The following TNFSF10 variants were observed in gnomAD, a reference collection of about 807,000 sequenced individuals.
TNFSF10 encodes TNF superfamily member 10, also known as tumor necrosis factor ligand superfamily member 10.
TNFSF10 carries 13 observed loss-of-function variants against 29.5 expected under a neutral mutation model. That is an observed-to-expected ratio of 0.44 (90% CI 0.29 to 0.70). The LOEUF is 0.70. Ranked by LOEUF, TNFSF10 falls within the 30% of genes least tolerant of loss-of-function variation. TNFSF10 has a pLI of 0.13. For missense variants in TNFSF10, 345 were observed against 330.9 expected (o/e 1.04, Z -0.33); for synonymous variants, 111 against 112.8 (o/e 0.98, Z 0.10).
rs1713017439 is a variant in TNFSF10, at chr3:172,507,001, C to G, written c.419-82G>C. On this transcript the variant is annotated intron_variant, in intron 4 of 4. Transcript: ENST00000241261. The stretch of plus-strand genomic sequence containing the variant: ...GGAGCTTTTTTGCAGCTGTGGCCAG[C>G]CTATATTTTTGTTGGGCTTGCCAGG... The G allele has an allele frequency of 2.3e-6, 3 of 1,297,588 alleles. No homozygotes were observed. In the Admixed American group the frequency reaches 8.9e-5, roughly 38 times the overall value. The allele number at this position is 1,297,588 out of a possible 1,614,324, so 80.4% of individuals were successfully genotyped here. A position where few individuals can be genotyped will look rare whatever the true frequency, so the allele number is the denominator to read the frequency against.
intron 3 of TNFSF10, among the ~76,000 whole-genome samples, chr3:172,509,650 G>A (rs1713136122): frequency 6.6e-6 from 1 of 152,148 alleles, no homozygotes; most frequent in African/African-American, 2.4e-5. Context: ...TAAAGAAATA[G>A]CTGTAGCTGT....
rs1411258134 is a variant in TNFSF10, at chr3:172,517,513, G to GA, written c.133-2516dup. 1.1e-3 allele frequency: 944 copies of GA among 826,322 alleles called. 1 individual carries two copies. The highest frequency in any genetic ancestry group is 1.3e-3 in the African/African-American group (66 of 52,744). 51.2% of individuals were successfully genotyped at this position (826,322 alleles called of 1,614,324 possible). A position where few individuals can be genotyped will look rare whatever the true frequency, so the allele number is the denominator to read the frequency against. ...AAAAGTAAAGAACACTTTTCTAAAAGAAAAAAAAAACCCTCCAAAAACTAA... is the reference window on the plus strand; with the variant it reads ...AAAAGTAAAGAACACTTTTCTAAAAGAAAAAAAAAAACCCTCCAAAAACTAA... On this transcript the variant is annotated intron_variant, in intron 1 of 4. Coordinates refer to ENST00000241261, the MANE Select transcript of TNFSF10 (RefSeq NM_003810.4).
At chr3:172,514,497 CTTT>C (rs998920160) in intron 2 of TNFSF10, among the ~76,000 whole-genome samples, 2 of 152,156 alleles carry the variant, frequency 1.3e-5, no homozygotes, top group African/African-American at 4.8e-5. Flanking sequence ...ATTTGATCTT[CTTT>C]ATCTTTTGAA....
At chr3:172,522,327 G>C in intron 1 of TNFSF10, 3 of 891,894 alleles carry the variant, frequency 3.4e-6, no homozygotes, top group Admixed American at 1.7e-5. Flanking sequence ...GACTCTAAGA[G>C]CTACATTACA....
intron 4 of TNFSF10, among the ~76,000 whole-genome samples, chr3:172,508,816 G>T (rs1317401385): frequency 3.3e-5 from 5 of 152,018 alleles, no homozygotes; most frequent in Admixed American, 2.0e-4. Context: ...TTGAACACTG[G>T]AGGCGGAGGT....
At chr3:172,522,357 A>G (rs1322498177) in intron 1 of TNFSF10, 4 of 1,200,628 alleles carry the variant, frequency 3.3e-6, no homozygotes, top group Admixed American at 1.7e-5. Flanking sequence ...GACAGGAAGT[A>G]TCACAGTAAC....
At chr3:172,518,585 A>G (rs937368745) in intron 1 of TNFSF10, 7 of 771,806 alleles carry the variant, frequency 9.1e-6, no homozygotes, top group Non-Finnish European at 1.3e-5. Flanking sequence ...ACTTTCTCAG[A>G]GGGACACAGA....
intron 1 of TNFSF10, chr3:172,517,342 G>T (rs1713477596): frequency 1.0e-6 from 1 of 985,392 alleles, no homozygotes; most frequent in African/African-American, 1.7e-5. Context: ...ATACTTTCAG[G>T]AGGAGGTGGA....
chr3:172,522,615 T>C (rs1008091834), intron 1 of TNFSF10, among the ~76,000 whole-genome samples: 1 of 152,234 alleles, frequency 6.6e-6, no homozygotes, highest in African/African-American at 2.4e-5. Context: ...TTCCAAACCT[T>C]GTTATAATAT....
rs1184863239 is a variant in TNFSF10 at position 172,505,570 on chromosome 3, A to AAAAAGATTAG, written c.*912_*921dup. Reference sequence around the variant, plus strand: ...TAATATGTGTCAAAGATATTATGAAAAAAAGATTAGAAGTCTTTTCCCCCA... The same window carrying AAAAAGATTAG: ...TAATATGTGTCAAAGATATTATGAAAAAAAGATTAGAAAAGATTAGAAGTCTTTTCCCCCA... On this transcript the variant is annotated 3_prime_UTR_variant, in exon 5 of 5. Transcript: ENST00000241261. 6.6e-6 allele frequency: 1 copy of AAAAAGATTAG among 152,100 alleles called. No individual in the cohort carries two copies. Among genetic ancestry groups the AAAAAGATTAG allele is most frequent in the Non-Finnish European group, 1.5e-5 (1 of 68,014 alleles). 9.4% of individuals were successfully genotyped at this position (152,100 alleles called of 1,614,324 possible). A position where few individuals can be genotyped will look rare whatever the true frequency, so the allele number is the denominator to read the frequency against.
chr3:172,520,193 GT>G (rs1713624839), intron 1 of TNFSF10, among the ~76,000 whole-genome samples: 2 of 152,330 alleles, frequency 1.3e-5, no homozygotes, highest in East Asian at 3.9e-4. Flanking sequence ...TGCAGTCATA[GT>G]TCCAGGGGTT....
intron 4 of TNFSF10, 58 bp downstream of exon 4, chr3:172,509,159 A>C: frequency 7.0e-7 from 1 of 1,426,542 alleles, no homozygotes; most frequent in Non-Finnish European, 9.7e-7. Flanking sequence ...AAAATAAGTT[A>C]CTTGGCACAA....
intron 1 of TNFSF10, among the ~76,000 whole-genome samples, chr3:172,521,796 A>T (rs1326901137): frequency 6.6e-6 from 1 of 152,224 alleles, no homozygotes; most frequent in Admixed American, 6.5e-5. Flanking sequence ...AACCAACCCA[A>T]ATGCTCATCA....
intron 2 of TNFSF10, 84 bp from the exon 3 acceptor site, chr3:172,511,743 G>T: frequency 8.2e-7 from 1 of 1,213,922 alleles, no homozygotes; most frequent in Non-Finnish European, 1.2e-6. Context: ...TCTTGCTGAT[G>T]TCTAACAGGA....
intron 1 of TNFSF10, chr3:172,518,261 A>G: frequency 3.5e-6 from 4 of 1,156,022 alleles, no homozygotes; most frequent in Non-Finnish European, 4.3e-6. Flanking sequence ...CTTCAGCTCC[A>G]GAAGCCCTTG....
At chr3:172,516,880 G>A (rs944060572) in intron 1 of TNFSF10, among the ~76,000 whole-genome samples, 6 of 152,188 alleles carry the variant, frequency 3.9e-5, no homozygotes, top group African/African-American at 9.7e-5. Context: ...AGGAAGAGAC[G>A]AGAAACTGGG....
intron 1 of TNFSF10, chr3:172,522,292 A>T: frequency 2.7e-6 from 2 of 734,278 alleles, no homozygotes. Context: ...TCTGAACTTC[A>T]TCCTGCTGTG....
intron 1 of TNFSF10, among the ~76,000 whole-genome samples, chr3:172,520,176 G>C (rs1713624025): frequency 4.6e-5 from 7 of 152,150 alleles, no homozygotes; most frequent in Admixed American, 4.6e-4. Flanking sequence ...TTTATTTTCA[G>C]CAATTTTGCA....
chr3:172,523,264 C>A lies in TNFSF10; in HGVS notation c.121G>T (p.Glu41Ter). The A allele has an allele frequency of 6.2e-7, 1 of 1,613,606 alleles. No homozygotes were observed. Among genetic ancestry groups the A allele is most frequent in the Non-Finnish European group, 8.5e-7 (1 of 1,179,648 alleles). The change falls in exon 1 of 5, where the codon GAG (glutamate) becomes TAG (stop). Residue 41 changes from glutamate to a stop codon, truncating the protein, a stop_gained. Transcript: ENST00000241261. LOFTEE classifies it high-confidence loss of function. ...VAVTYVYFTN[E>*]LKQMQDKYSK... ...TGCACTGCACTGACCTGCTTCAGCT[C>A]GTTGGTAAAGTACACGTAAGTTACA...
Sources: allele counts gnomAD v4.1 joint callset (sites outside exome capture counted in the v4.1 genomes callset), GRCh38; gene constraint gnomAD v4.1.1; transcripts MANE v1.5; gene names NCBI Gene and HGNC (gene_info 2026-07-23, HGNC 2026-07-21).